The following TPR variants were observed in gnomAD, a reference collection of about 807,000 sequenced individuals.
TPR encodes the protein nucleoprotein TPR.
In TPR, 51 loss-of-function variants were observed where a neutral mutation model predicts 316.1. The ratio of observed to expected loss-of-function variants is 0.16; its 90% CI spans 0.13 to 0.20. The LOEUF (loss-of-function observed/expected upper bound fraction) is 0.20. TPR is among the 10% of genes least tolerant of loss of function. The pLI is 1.00. For missense variants in TPR, 2,272 were observed against 2,754.8 expected (o/e 0.82, Z 3.92); for synonymous variants, 981 against 914.7 (o/e 1.07, Z -1.31).
At chr1:186,360,476 A>C in intron 10 of TPR, 112 bp from the exon 11 acceptor site, 6 of 1,141,094 alleles carry the variant, frequency 5.3e-6, no homozygotes, top group Non-Finnish European at 7.3e-6. Flanking sequence ...AATTCCTATA[A>C]AAATTTTAAA....
chr1:186,367,060 CTTTTTTTTTTT>C (rs71104854), intron 4 of TPR, among the ~76,000 whole-genome samples: 2 of 89,548 alleles, frequency 2.2e-5, no homozygotes, highest in Non-Finnish European at 4.4e-5. Context: ...CCCAAAACAC[CTTTTTTTTTTT>C]TTTTTTTTTT....
chr1:186,342,707 G>A (rs1482802603), intron 27 of TPR: 1 of 152,186 alleles, frequency 6.6e-6, no homozygotes, highest in Admixed American at 6.5e-5. Context: ...CCTTCTAGAG[G>A]TGGGGGTATA....
At position 186,312,772 on chromosome 1, in the gene TPR, T is replaced by A. The variant is rs78280711; in HGVS notation, c.*1199A>T. The A allele has an allele frequency of 1.2e-6, 2 of 1,612,934 alleles. No individual in the cohort carries two copies. Among genetic ancestry groups the A allele is most frequent in the Non-Finnish European group, 1.7e-6 (2 of 1,178,954 alleles). On this transcript the variant is annotated 3_prime_UTR_variant, in exon 51 of 51. Coordinates refer to ENST00000367478, the MANE Select transcript of TPR (RefSeq NM_003292.3). ...TTATTAAACATGCCACTTACAGGTG[T>A]CCTTCATAATGAAGTTAAAGTGAGT... is the stretch of plus-strand genomic sequence containing the variant.
intron 24 of TPR, among the ~76,000 whole-genome samples, chr1:186,345,296 C>T (rs998510127): frequency 3.3e-5 from 5 of 152,236 alleles, no homozygotes; most frequent in Admixed American, 6.5e-5. Context: ...TAGTGAAGGA[C>T]AATAGTAAAA....
intron 3 of TPR, 121 bp from the exon 4 acceptor site, chr1:186,368,103 T>G (rs1659401189): frequency 1.7e-6 from 1 of 593,014 alleles, no homozygotes; most frequent in African/African-American, 1.8e-5. Context: ...CTCTTATAAC[T>G]TACACATCAA....
chr1:186,343,354 C>G lies in TPR; in HGVS notation c.3722G>C (p.Ser1241Thr). 6.2e-7 allele frequency: 1 copy of G among 1,613,814 alleles called. No homozygotes were observed. Among genetic ancestry groups the G allele is most frequent in the South Asian group, 1.1e-5 (1 of 91,032 alleles). ...GACTTTCTCCCTTTCAGCATTTAGA[C>G]TATCTTGCAGTTCCTGCAGCTCTCT... Reference protein sequence around the residue: ...LERELQELQDSLNAEREKVQV... With the variant: ...LERELQELQDTLNAEREKVQV... The change falls in exon 27 of 51, where the codon AGT becomes ACT. Residue 1241 changes from serine to threonine, a missense_variant. Transcript: ENST00000367478.
rs745408129 is a variant in TPR, at chr1:186,333,072, T to G, written c.5455+50A>C. On this transcript the variant is annotated intron_variant, in intron 37 of 50. Coordinates refer to ENST00000367478, the MANE Select transcript of TPR (RefSeq NM_003292.3). ...ATATATACTCAAGATACACTCAAGATCTTATAAATGCATAGGTCTACTCTG... is the reference window on the plus strand; with the variant it reads ...ATATATACTCAAGATACACTCAAGAGCTTATAAATGCATAGGTCTACTCTG... 1.9e-6 allele frequency: 3 copies of G among 1,585,448 alleles called. No homozygotes were observed. The African/African-American group carries it at 4.1e-5, about 21-fold the overall frequency.
At chr1:186,314,060 C>A (rs1330309717) in intron 50 of TPR, 34 bp from the exon 51 acceptor site, 3 of 1,591,630 alleles carry the variant, frequency 1.9e-6, no homozygotes, top group South Asian at 1.1e-5. Context: ...TTGAATATAT[C>A]TTTTAAGAAT....
At chr1:186,367,331 C>T (rs1183199225) in intron 4 of TPR, among the ~76,000 whole-genome samples, 1 of 152,104 alleles carries the variant, frequency 6.6e-6, no homozygotes, top group African/African-American at 2.4e-5. Flanking sequence ...TCCCAAAGTG[C>T]TGGGATTACA....
intron 49 of TPR, among the ~76,000 whole-genome samples, chr1:186,316,023 TAC>T (rs1361915803): frequency 6.6e-6 from 1 of 151,534 alleles, no homozygotes; most frequent in African/African-American, 2.4e-5. Context: ...ATGGGGGAAG[TAC>T]AGTTTTACAT....
chr1:186,364,823 T>C (rs941516596), intron 4 of TPR, among the ~76,000 whole-genome samples: 4 of 152,066 alleles, frequency 2.6e-5, no homozygotes, highest in African/African-American at 9.7e-5. Flanking sequence ...ACAAAAGATA[T>C]TTATTAGTAA....
At chr1:186,343,549 G>A in intron 26 of TPR, 76 bp from the exon 27 acceptor site, 3 of 1,389,042 alleles carry the variant, frequency 2.2e-6, no homozygotes, top group Admixed American at 2.2e-5. Context: ...AATTTGGTAA[G>A]ATGACAAAAA....
chr1:186,364,917 A>T (rs1489341838), intron 4 of TPR, among the ~76,000 whole-genome samples: 1 of 152,100 alleles, frequency 6.6e-6, no homozygotes, highest in Non-Finnish European at 1.5e-5. Flanking sequence ...GGTTTATGAT[A>T]AGGACTGCCC....
rs1306255776 is a variant in TPR at position 186,337,016 on chromosome 1, C to T, written c.4503G>A (p.Gln1501=). 13 of 1,613,648 alleles carry T rather than the reference C, an allele frequency of 8.1e-6. No individual in the cohort carries two copies. The highest frequency in any genetic ancestry group is 9.3e-6 in the Non-Finnish European group (11 of 1,179,754). ...CAGACTGTTCTCACACTCATACCTT[C>T]TGCAGATTCTCTACTTGACTTTCAA... ...KSLESQVENL[Q]KTLSEKETEA... Residue 1501 remains glutamine (Q), a synonymous_variant, in exon 32 of 51, where the codon CAG becomes CAA. Transcript: ENST00000367478.
chr1:186,362,439 C>A, intron 6 of TPR, 59 bp from the exon 7 acceptor site: 3 of 1,368,130 alleles, frequency 2.2e-6, no homozygotes, highest in Non-Finnish European at 2.1e-6. Flanking sequence ...ATTACTCTGA[C>A]ATGAGGTTTA....
At chr1:186,345,872 C>T (rs1173760538) in intron 23 of TPR, among the ~76,000 whole-genome samples, 176 bp from the exon 24 acceptor site, 1 of 152,122 alleles carries the variant, frequency 6.6e-6, no homozygotes, top group East Asian at 1.9e-4. Flanking sequence ...ACTCCATATC[C>T]ATTCCCTAAC....
chr1:186,340,910 T>A, intron 29 of TPR, 118 bp downstream of exon 29: 5 of 1,287,732 alleles, frequency 3.9e-6, no homozygotes, highest in Non-Finnish European at 4.3e-6. Context: ...CATAATAGAC[T>A]TTCACTAATA....
chr1:186,349,923 AC>A (rs1658810127), intron 21 of TPR, among the ~76,000 whole-genome samples: 1 of 152,040 alleles, frequency 6.6e-6, no homozygotes, highest in African/African-American at 2.4e-5. Context: ...AAATCAAATA[AC>A]CCTCTTCAGA....
chr1:186,370,933 T>C (rs777466118), intron 3 of TPR, 37 bp downstream of exon 3: 4 of 1,542,080 alleles, frequency 2.6e-6, no homozygotes, highest in Admixed American at 3.4e-5. Context: ...TCAAGTAAAA[T>C]GTCTACAATG....
Sources: allele counts gnomAD v4.1 joint callset (sites outside exome capture counted in the v4.1 genomes callset), GRCh38; gene constraint gnomAD v4.1.1; transcripts MANE v1.5; gene names NCBI Gene and HGNC (gene_info 2026-07-23, HGNC 2026-07-21).